The following EPHX3 variants were observed in gnomAD, a reference collection of about 807,000 sequenced individuals.
EPHX3 encodes the protein abhydrolase domain containing 9.
EPHX3 carries 39 observed loss-of-function variants against 40.2 expected under a neutral mutation model. That is an observed-to-expected ratio of 0.97 (90% CI 0.75 to 1.27). The LOEUF (loss-of-function observed/expected upper bound fraction) is 1.27, where lower values mean the gene tolerates loss of function less well. EPHX3 is among the 50% of genes most tolerant of loss of function. The pLI is 0.00. For missense variants in EPHX3, 442 were observed against 474.0 expected, an observed-to-expected ratio of 0.93 and a Z score of 0.63; for synonymous variants, 213 against 209.7, an observed-to-expected ratio of 1.02 and a Z score of -0.14.
intron 4 of EPHX3, among the ~76,000 whole-genome samples, chr19:15,228,658 C>T (rs893595808): frequency 1.3e-5 from 2 of 151,354 alleles, no homozygotes; most frequent in African/African-American, 4.9e-5. Flanking sequence ...GCTGGGACTA[C>T]AGGCACCCGC....
chr19:15,231,930 C>G (rs751734361), intron 1 of EPHX3, 39 bp downstream of exon 1: 5 of 1,612,616 alleles, frequency 3.1e-6, no homozygotes, highest in Non-Finnish European at 3.4e-6. Context: ...CTCGACCCCA[C>G]GCGACCCCGC....
rs747916395 is a variant in EPHX3, at chr19:15,232,044, G to A, written c.168C>T (p.Cys56=). 36 of 1,582,232 alleles carry A rather than the reference G, an allele frequency of 2.3e-5. No homozygotes were observed. In the East Asian group the frequency reaches 8.0e-4, roughly 35 times the overall value. ...HVLCRPRRGC[C]GRRRSASPAC... ...CGGGGGACGCGCTCCGACGGCGCCCGCAGCAGCCGCGCCGGGGCCGGCACA... is the reference window on the plus strand; with the variant it reads ...CGGGGGACGCGCTCCGACGGCGCCCACAGCAGCCGCGCCGGGGCCGGCACA... Residue 56 remains cysteine, a synonymous_variant, in exon 1 of 7, where the codon TGC becomes TGT. Transcript: ENST00000221730.
Position 15,227,801 on chromosome 19 carries a change from C to T in EPHX3, c.827G>A (p.Gly276Glu). The change falls in exon 6 of 7, where the codon GGG becomes GAG. Residue 276 changes from glycine (G) to glutamate (E), a missense_variant. Transcript: ENST00000221730. ...GAGGTTTCGGTAGTAGTTGAGGGGC[C>T]CAGTGAGGCCACCAGGCTGTGAGAA... is the stretch of plus-strand genomic sequence containing the variant. ...YNFSQPGGLT[G>E]PLNYYRNLFR... The T allele has an allele frequency of 6.2e-7, 1 of 1,613,892 alleles. No individual in the cohort carries two copies. The highest frequency in any genetic ancestry group is 2.2e-5 in the East Asian group (1 of 44,868).
chr19:15,230,727 A>G (rs1292148877), intron 4 of EPHX3, among the ~76,000 whole-genome samples: 2 of 149,450 alleles, frequency 1.3e-5, no homozygotes, highest in African/African-American at 4.9e-5. Context: ...TCCTGGCCTC[A>G]AGTGATCCTC....
chr19:15,232,458 A>C (rs1414102676), upstream of EPHX3: 1 of 1,322,090 alleles, frequency 7.6e-7, no homozygotes, highest in Non-Finnish European at 9.6e-7. Context: ...TAGGGTGCGG[A>C]GGCTGGGGAG....
intron 4 of EPHX3, among the ~76,000 whole-genome samples, chr19:15,228,664 C>T (rs1417215500): frequency 6.6e-6 from 1 of 151,296 alleles, no homozygotes; most frequent in Non-Finnish European, 1.5e-5. Context: ...ACTACAGGCA[C>T]CCGCCACCAC....
At position 15,227,396 on chromosome 19, in the gene EPHX3, T is replaced by C; in HGVS notation, c.*41A>G. Reference sequence around the variant, plus strand: ...ACACAGATAATGGGTGTGTGTTCCTTCCTGAGTATCCATGCCTCCTGGGCA... The same window carrying C: ...ACACAGATAATGGGTGTGTGTTCCTCCCTGAGTATCCATGCCTCCTGGGCA... On this transcript the variant is annotated 3_prime_UTR_variant, in exon 7 of 7. Transcript: ENST00000221730. The C allele has an allele frequency of 6.5e-7, 1 of 1,529,796 alleles. No individual in the cohort carries two copies. The highest frequency in any genetic ancestry group is 1.4e-5 in the African/African-American group (1 of 73,236). 94.8% of individuals were successfully genotyped at this position (1,529,796 alleles called of 1,614,324 possible). A position where few individuals can be genotyped will look rare whatever the true frequency, so the allele number is the denominator to read the frequency against.
rs2047149913 is a variant in EPHX3, at chr19:15,231,059, G to A, written c.519C>T (p.Asp173=). 1.2e-6 allele frequency: 2 copies of A among 1,613,996 alleles called. No individual in the cohort carries two copies. Among genetic ancestry groups the A allele is most frequent in the South Asian group, 2.2e-5 (2 of 91,094 alleles). The change falls in exon 4 of 7, where the codon GAC becomes GAT. Residue 173 remains aspartate, a synonymous_variant. Coordinates refer to ENST00000221730, the MANE Select transcript of EPHX3 (RefSeq NM_024794.3). ...AATGCCAGGCAAGGAGGGCACCCCA[G>A]TCATGGGCCACAAGGATGCACTTCG... ...GYSKCILVAH[D]WGALLAWHFS... is the part of the protein sequence containing the mutation.
chr19:15,235,588 G>A (rs1025213811), upstream of EPHX3: 10 of 150,570 alleles, frequency 6.6e-5, no homozygotes, highest in South Asian at 2.1e-4. Flanking sequence ...AAAACCTTTC[G>A]TATGTAAGTG....
At chr19:15,230,232 G>A (rs1395560941) in intron 4 of EPHX3, among the ~76,000 whole-genome samples, 2 of 152,094 alleles carry the variant, frequency 1.3e-5, no homozygotes, top group Non-Finnish European at 2.9e-5. Flanking sequence ...GCAGTGGTGC[G>A]ATCTTGGCTT....
intron 5 of EPHX3, 29 bp from the exon 6 acceptor site, chr19:15,227,936 G>GTGCCCAGCC: frequency 6.2e-7 from 1 of 1,614,056 alleles, no homozygotes; most frequent in Non-Finnish European, 8.5e-7. Flanking sequence ...TCTGGCTTCA[G>GTGCCCAGCC]TGCCCAGCCT....
chr19:15,233,807 G>T (rs992620666), upstream of EPHX3, among the ~76,000 whole-genome samples: 3 of 152,182 alleles, frequency 2.0e-5, no homozygotes, highest in Non-Finnish European at 2.9e-5. Context: ...GCTCACGCCT[G>T]TAATCCCAGC....
chr19:15,228,114 G>A lies in EPHX3; in HGVS notation c.617-14C>T. The A allele has an allele frequency of 7.7e-6, 4 of 516,844 alleles. No individual in the cohort carries two copies. Among genetic ancestry groups the A allele is most frequent in the South Asian group, 1.5e-5 (1 of 66,986 alleles). 32.0% of individuals were successfully genotyped at this position (516,844 alleles called of 1,614,324 possible). On this transcript the variant is annotated splice_polypyrimidine_tract_variant and intron_variant, in intron 4 of 6. Coordinates refer to ENST00000221730, the MANE Select transcript of EPHX3 (RefSeq NM_024794.3). ...GCAGGGAATAGTCTGGGGTGGGAGGGTTGGGGGAGAGATATAAGGCCTGCT... is the reference window on the plus strand; with the variant it reads ...GCAGGGAATAGTCTGGGGTGGGAGGATTGGGGGAGAGATATAAGGCCTGCT...
Position 15,231,876 on chromosome 19 carries a change from C to T in EPHX3, c.244-15G>A, listed in dbSNP as rs954261861. 1.2e-6 allele frequency: 2 copies of T among 1,613,426 alleles called. No individual in the cohort carries two copies. The highest frequency in any genetic ancestry group is 2.7e-5 in the African/African-American group (2 of 74,930). On this transcript the variant is annotated splice_polypyrimidine_tract_variant and intron_variant, in intron 1 of 6. Coordinates refer to ENST00000221730, the MANE Select transcript of EPHX3 (RefSeq NM_024794.3). ...AGGCCCGAGCTCTAGGGGGAGGGCA[C>T]AGCCTGAAGCCTGGGGAACCCTCTC...
rs776222360 is a variant in EPHX3, at chr19:15,227,857, G to A, written c.771C>T (p.Thr257=). The A allele has an allele frequency of 6.2e-6, 10 of 1,613,940 alleles. No homozygotes were observed. In the Admixed American group the frequency reaches 1.5e-4, roughly 24 times the overall value. The change falls in exon 6 of 7, where the codon ACC becomes ACT. Residue 257 remains threonine (T), a synonymous_variant. Transcript: ENST00000221730. ...THRKTGIPCL[T]PSELEAFLYN... is the part of the protein sequence containing the mutation. Reference sequence around the variant, plus strand: ...AAAGGAAGGCCTCGAGCTCGCTGGGGGTCAAGCATGGGATGCCTGTCTTGC... The same window carrying A: ...AAAGGAAGGCCTCGAGCTCGCTGGGAGTCAAGCATGGGATGCCTGTCTTGC...
rs1199105080 is a variant in EPHX3, at chr19:15,232,379, C to A, written c.-168G>T. ...AGAGGCGGGCGGCTCCGACAGAAAA[C>A]AGCCAGAGCGCACCACTCACCTGAG... On this transcript the variant is annotated 5_prime_UTR_variant, in exon 1 of 7. Coordinates refer to ENST00000221730, the MANE Select transcript of EPHX3 (RefSeq NM_024794.3). The A allele has an allele frequency of 7.3e-7, 1 of 1,373,846 alleles. No homozygotes were observed. Among genetic ancestry groups the A allele is most frequent in the African/African-American group, 1.6e-5 (1 of 64,342 alleles). 85.1% of individuals were successfully genotyped at this position (1,373,846 alleles called of 1,614,324 possible). A position where few individuals can be genotyped will look rare whatever the true frequency, so the allele number is the denominator to read the frequency against.
At chr19:15,234,593 TG>T (rs1313953662), upstream of EPHX3, among the ~76,000 whole-genome samples, 2 of 152,214 alleles carry the variant, frequency 1.3e-5, no homozygotes, top group African/African-American at 4.8e-5. Flanking sequence ...CAAGCCACCG[TG>T]CCTGACCTTT....
chr19:15,232,141 A>G lies in EPHX3; in HGVS notation c.71T>C (p.Met24Thr). The G allele has an allele frequency of 6.5e-7, 1 of 1,536,352 alleles. No homozygotes were observed. Among genetic ancestry groups the G allele is most frequent in the South Asian group, 1.2e-5 (1 of 84,134 alleles). Residue 24 changes from methionine to threonine, a missense_variant, in exon 1 of 7, where the codon ATG (methionine) becomes ACG (threonine). By Grantham distance (81) the Met-to-Thr change is moderately conservative. Transcript: ENST00000221730. The part of the protein sequence containing the change: ...RLSLKLLRAF[M>T]WSLVFSVALV... ...CGCCACCGAGAACACCAGGCTCCAC[A>G]TGAAGGCGCGCAGCAGCTTCAGCGA...
At chr19:15,234,973 T>C (rs896584233), upstream of EPHX3, among the ~76,000 whole-genome samples, 1 of 152,164 alleles carries the variant, frequency 6.6e-6, no homozygotes, top group African/African-American at 2.4e-5. Context: ...GTTGTGTGAT[T>C]AGCCTACATC....
Sources: allele counts gnomAD v4.1 joint callset (sites outside exome capture counted in the v4.1 genomes callset), GRCh38; gene constraint gnomAD v4.1.1; transcripts MANE v1.5; gene names NCBI Gene and HGNC (gene_info 2026-07-23, HGNC 2026-07-21).